ATRN: variants seen among roughly 807,000 people sequenced by gnomAD.
ATRN encodes the protein attractin-2.
A neutral mutation model predicts 178.7 loss-of-function variants in ATRN; 54 were observed. The observed-to-expected ratio is 0.30, with a 90% CI of 0.24 to 0.38. The LOEUF (loss-of-function observed/expected upper bound fraction) is 0.38, where lower values mean the gene tolerates loss of function less well. Ranked by LOEUF, ATRN falls within the 10% of genes least tolerant of loss-of-function variation. The pLI is 1.00. For missense variants in ATRN, 1,443 were observed against 1,815.1 expected (o/e 0.79, Z 3.73); for synonymous variants, 636 against 663.0 (o/e 0.96, Z 0.63).
chr20:3,596,297 TA>T, intron 20 of ATRN, 79 bp from the exon 21 acceptor site: 1 of 1,381,374 alleles, frequency 7.2e-7, no homozygotes. Context: ...GTACTTTATA[TA>T]AAAGGATCTG....
chr20:3,549,147 C>G (rs761528436), intron 5 of ATRN, 23 bp from the exon 6 acceptor site: 3 of 1,556,468 alleles, frequency 1.9e-6, no homozygotes, highest in Non-Finnish European at 2.6e-6. Flanking sequence ...TTTTGTGAAG[C>G]TAATTCATTA....
At chr20:3,547,226 G>A in intron 4 of ATRN, 58 bp from the exon 5 acceptor site, 1 of 1,342,886 alleles carries the variant, frequency 7.4e-7, no homozygotes, top group Admixed American at 1.7e-5. Flanking sequence ...AGGAAGTTAT[G>A]CTAAGTTAAT....
intron 27 of ATRN, among the ~76,000 whole-genome samples, chr20:3,643,165 A>G (rs1334766590): frequency 6.6e-6 from 1 of 152,172 alleles, no homozygotes; most frequent in Non-Finnish European, 1.5e-5. Context: ...AGAGTCTCCA[A>G]CTAAGAGTCC....
chr20:3,475,915 C>G (rs1015971516), intron 1 of ATRN, among the ~76,000 whole-genome samples: 1 of 152,168 alleles, frequency 6.6e-6, no homozygotes, highest in African/African-American at 2.4e-5. Context: ...GAGGCAGAGG[C>G]AGAAGAATCA....
At chr20:3,504,017 C>T (rs528946375) in intron 1 of ATRN, among the ~76,000 whole-genome samples, 5 of 152,228 alleles carry the variant, frequency 3.3e-5, no homozygotes, top group Non-Finnish European at 7.4e-5. Flanking sequence ...GTAGATTTCT[C>T]ATCTGAAAAC....
At chr20:3,563,943 A>G (rs533760140) in intron 10 of ATRN, among the ~76,000 whole-genome samples, 7 of 152,336 alleles carry the variant, frequency 4.6e-5, no homozygotes, top group African/African-American at 1.7e-4. Context: ...ACACATTCAT[A>G]ATGTTATAAA....
At chr20:3,582,478 T>C in intron 16 of ATRN, 124 bp downstream of exon 16, 3 of 891,676 alleles carry the variant, frequency 3.4e-6, no homozygotes. Context: ...ATTTCAAGCA[T>C]GCAAAGAAGA....
At chr20:3,580,325 C>G (rs1281509875) in intron 15 of ATRN, among the ~76,000 whole-genome samples, 1 of 152,224 alleles carries the variant, frequency 6.6e-6, no homozygotes, top group Non-Finnish European at 1.5e-5. Flanking sequence ...TACCCTTTCT[C>G]TCTTCCTTAG....
chr20:3,506,963 G>GA (rs1207096172), intron 1 of ATRN, among the ~76,000 whole-genome samples: 1 of 151,520 alleles, frequency 6.6e-6, no homozygotes, highest in Non-Finnish European at 1.5e-5. Context: ...GATATGTTGG[G>GA]AAAAAATACC....
intron 20 of ATRN, 32 bp downstream of exon 20, chr20:3,594,604 G>A (rs778724846): frequency 4.5e-6 from 7 of 1,568,250 alleles, no homozygotes; most frequent in Middle Eastern, 3.4e-4. Context: ...CCACCAGGGA[G>A]GACCAAGAGG....
intron 24 of ATRN, among the ~76,000 whole-genome samples, chr20:3,606,412 T>A (rs2146293825): frequency 7.5e-6 from 1 of 134,094 alleles, no homozygotes; most frequent in Non-Finnish European, 1.6e-5. Flanking sequence ...TGTCTAGGAT[T>A]CAGACCTGGT....
In ATRN at chr20:3,549,218, G is replaced by C. The variant is rs752765173; in HGVS notation, c.992G>C (p.Arg331Pro). 2 of 1,610,534 alleles carry C rather than the reference G, an allele frequency of 1.2e-6. No homozygotes were observed. Among genetic ancestry groups the C allele is most frequent in the African/African-American group, 1.3e-5 (1 of 74,794 alleles). Residue 331 changes from arginine (R) to proline (P), a missense_variant, in exon 6 of 29, where the codon CGA (arginine) becomes CCA (proline). Coordinates refer to ENST00000262919, the MANE Select transcript of ATRN (RefSeq NM_139321.3). The stretch of plus-strand genomic sequence containing the variant: ...CCAGCTAACCAGTCATTTTGGACTC[G>C]AGAGGAATATTCTAACTTAAAGCTC... ...PVPANQSFWT[R>P]EEYSNLKLPR...
intron 18 of ATRN, among the ~76,000 whole-genome samples, chr20:3,587,342 T>C (rs2086371903): frequency 6.6e-6 from 1 of 152,314 alleles, no homozygotes; most frequent in East Asian, 1.9e-4. Flanking sequence ...TAAGTTTTCT[T>C]TGAAAAGTTT....
chr20:3,534,571 T>C (rs2085497222), intron 1 of ATRN, among the ~76,000 whole-genome samples: 1 of 152,134 alleles, frequency 6.6e-6, no homozygotes, highest in Non-Finnish European at 1.5e-5. Flanking sequence ...GAAGCGAGCA[T>C]GTGTTCAGAG....
intron 15 of ATRN, among the ~76,000 whole-genome samples, chr20:3,581,841 C>A (rs2086286533): frequency 6.6e-6 from 1 of 152,152 alleles, no homozygotes. Context: ...GATGATCTAT[C>A]CTAATCTACC....
At chr20:3,595,752 A>G (rs2086520440) in intron 20 of ATRN, among the ~76,000 whole-genome samples, 1 of 152,228 alleles carries the variant, frequency 6.6e-6, no homozygotes, top group South Asian at 2.1e-4. Context: ...TGCCTGGGAA[A>G]GGCCATTACC....
At chr20:3,519,006 T>TATAAAAAAAAAAAAAAAAAA (rs770584938) in intron 1 of ATRN, among the ~76,000 whole-genome samples, 16 of 119,458 alleles carry the variant, frequency 1.3e-4, no homozygotes, top group Admixed American at 1.8e-4. Context: ...TCCTTATATA[T>TATAAAAAAAAAAAAAAAAAA]AAAAAAAAAA....
At chr20:3,508,620 C>T (rs983184251) in intron 1 of ATRN, among the ~76,000 whole-genome samples, 3 of 152,070 alleles carry the variant, frequency 2.0e-5, no homozygotes, top group Non-Finnish European at 4.4e-5. Context: ...GATTAATCAC[C>T]GGCAGCCTTA....
At chr20:3,509,916 T>C (rs2085101665) in intron 1 of ATRN, among the ~76,000 whole-genome samples, 1 of 152,156 alleles carries the variant, frequency 6.6e-6, no homozygotes, top group Non-Finnish European at 1.5e-5. Context: ...TCTCACTACA[T>C]TTGCTTTATC....
Sources: allele counts gnomAD v4.1 joint callset (sites outside exome capture counted in the v4.1 genomes callset), GRCh38; gene constraint gnomAD v4.1.1; transcripts MANE v1.5; gene names NCBI Gene and HGNC (gene_info 2026-07-23, HGNC 2026-07-21).